NRXN3: variants seen among roughly 807,000 people sequenced by gnomAD.
NRXN3 encodes neurexin 3, also known as neurexin III.
Under a neutral mutation model 137.6 loss-of-function variants are expected in NRXN3, and 32 were observed. The observed-to-expected ratio is 0.23, with a 90% CI of 0.18 to 0.31. The LOEUF is 0.31. NRXN3 is among the 10% of genes least tolerant of loss of function. NRXN3 has a pLI of 1.00. For missense variants in NRXN3, 1,574 were observed against 2,062.5 expected (o/e 0.76, Z 4.59); for synonymous variants, 798 against 784.5 (o/e 1.02, Z -0.29).
chr14:79,507,010 G>T (rs551135515), intron 16 of NRXN3, among the ~76,000 whole-genome samples: 1 of 152,244 alleles, frequency 6.6e-6, no homozygotes, highest in East Asian at 1.9e-4. Context: ...CAGTCCCACA[G>T]ATATTAAAGG....
chr14:78,428,304 C>T (rs1216499509), intron 4 of NRXN3, among the ~76,000 whole-genome samples: 2 of 152,132 alleles, frequency 1.3e-5, no homozygotes, highest in Admixed American at 1.3e-4. Flanking sequence ...TGTCTCCCTC[C>T]ACAACTCTCC....
intron 15 of NRXN3, among the ~76,000 whole-genome samples, chr14:79,144,018 T>A (rs1024529622): frequency 2.0e-5 from 3 of 152,222 alleles, no homozygotes; most frequent in Non-Finnish European, 2.9e-5. Context: ...GTTTACCTGA[T>A]GTTTATAGTA....
chr14:79,101,686 G>A (rs2051331955), intron 15 of NRXN3, among the ~76,000 whole-genome samples: 1 of 152,192 alleles, frequency 6.6e-6, no homozygotes, highest in Non-Finnish European at 1.5e-5. Flanking sequence ...GATATTTGCT[G>A]TGGGTTGAAT....
intron 15 of NRXN3, among the ~76,000 whole-genome samples, chr14:79,190,803 T>A (rs1000674032): frequency 6.6e-6 from 1 of 152,200 alleles, no homozygotes; most frequent in African/African-American, 2.4e-5. Flanking sequence ...CTTATCCTTC[T>A]ACTAAGTCAC....
intron 8 of NRXN3, among the ~76,000 whole-genome samples, chr14:78,751,374 G>A (rs973544425): frequency 1.3e-5 from 2 of 152,158 alleles, no homozygotes; most frequent in African/African-American, 4.8e-5. Context: ...CCCCCAGTGT[G>A]GTGATGTGCA....
At chr14:78,341,781 T>C (rs929392220) in intron 4 of NRXN3, among the ~76,000 whole-genome samples, 2 of 152,210 alleles carry the variant, frequency 1.3e-5, no homozygotes, top group African/African-American at 4.8e-5. Flanking sequence ...AACTAATATT[T>C]GGTTCTCTAT....
intron 4 of NRXN3, among the ~76,000 whole-genome samples, chr14:78,423,401 G>A (rs1219187513): frequency 6.6e-6 from 1 of 152,142 alleles, no homozygotes; most frequent in Non-Finnish European, 1.5e-5. Flanking sequence ...CATGCTCACA[G>A]CCTGCTAGGA....
intron 6 of NRXN3, among the ~76,000 whole-genome samples, 196 bp from the exon 7 acceptor site, chr14:78,709,021 C>T (rs889384379): frequency 1.3e-5 from 2 of 152,116 alleles, no homozygotes; most frequent in South Asian, 2.1e-4. Context: ...AATATAGAGG[C>T]TTTTTTGGAG....
rs564891466 is a variant in NRXN3 at position 79,120,414 on chromosome 14, T to C, written c.3262+132273T>C. Among the ~76,000 whole-genome samples, 17 of 152,134 alleles carry C rather than the reference T, an allele frequency of 1.1e-4. No homozygotes were observed. In the South Asian group the frequency reaches 3.5e-3, roughly 32 times the overall value. On this transcript the variant is annotated intron_variant, in intron 15 of 20. Transcript: ENST00000335750. ...AAGTGTGAACTCCTCATGAGTTCCA[T>C]GAGAAGGGCATAACTTTAGGTAATT...
intron 10 of NRXN3, among the ~76,000 whole-genome samples, chr14:78,899,123 T>A (rs2152734375): frequency 6.6e-6 from 1 of 152,066 alleles, no homozygotes; most frequent in East Asian, 1.9e-4. Context: ...GAAGCAGAAT[T>A]GGAGACACAT....
chr14:79,252,461 C>T (rs911829943), intron 15 of NRXN3, among the ~76,000 whole-genome samples: 1 of 152,032 alleles, frequency 6.6e-6, no homozygotes, highest in African/African-American at 2.4e-5. Context: ...CATCTTGTTT[C>T]ATTCTGTCAT....
chr14:79,245,295 C>CTATGGG (rs1172130674), intron 15 of NRXN3, among the ~76,000 whole-genome samples: 2 of 152,122 alleles, frequency 1.3e-5, no homozygotes, highest in Non-Finnish European at 2.9e-5. Context: ...TTGCCACACT[C>CTATGGG]TATGCACCAT....
intron 15 of NRXN3, among the ~76,000 whole-genome samples, chr14:79,178,946 A>G (rs2062637261): frequency 6.6e-6 from 1 of 152,088 alleles, no homozygotes; most frequent in Non-Finnish European, 1.5e-5. Context: ...TTGGTGAAGG[A>G]CCCTTCCAAT....
intron 19 of NRXN3, among the ~76,000 whole-genome samples, chr14:79,748,741 G>C (rs1053310314): frequency 6.6e-6 from 1 of 151,802 alleles, no homozygotes; most frequent in Non-Finnish European, 1.5e-5. Flanking sequence ...GGCTAGCACT[G>C]GTACTCTTTC....
At chr14:79,678,762 C>T (rs374066533) in intron 17 of NRXN3, among the ~76,000 whole-genome samples, 255 of 152,226 alleles carry the variant, frequency 1.7e-3, no homozygotes, top group African/African-American at 6.0e-3. Context: ...AGCAATGGTA[C>T]ATCAATAGAT....
chr14:79,485,657 A>G, intron 16 of NRXN3, among the ~76,000 whole-genome samples: 1 of 151,778 alleles, frequency 6.6e-6, no homozygotes, highest in East Asian at 1.9e-4. Context: ...TAGGGAGGTC[A>G]GAATAGCACA....
At chr14:79,016,651 TA>T (rs2099579767) in intron 15 of NRXN3, among the ~76,000 whole-genome samples, 2 of 152,190 alleles carry the variant, frequency 1.3e-5, no homozygotes, top group Non-Finnish European at 2.9e-5. Context: ...TACAGGTACA[TA>T]GAGCAGGAGG....
chr14:79,860,016 C>G (rs779532269), intron 20 of NRXN3, among the ~76,000 whole-genome samples: 8 of 152,196 alleles, frequency 5.3e-5, no homozygotes, highest in Non-Finnish European at 7.4e-5. Flanking sequence ...GCATAGCAAT[C>G]TTGGCCTTAC....
chr14:79,227,366 T>C (rs1371210448), intron 15 of NRXN3, among the ~76,000 whole-genome samples: 3 of 151,988 alleles, frequency 2.0e-5, no homozygotes, highest in Non-Finnish European at 2.9e-5. Context: ...TACTTTGTCA[T>C]GTGTACACTT....
Sources: allele counts gnomAD v4.1 joint callset (sites outside exome capture counted in the v4.1 genomes callset), GRCh38; gene constraint gnomAD v4.1.1; transcripts MANE v1.5; gene names NCBI Gene and HGNC (gene_info 2026-07-23, HGNC 2026-07-21).